Variants in SDK2 observed in about 807,000 individuals in gnomAD.
The protein encoded by SDK2 is protein sidekick-2.
SDK2 carries 105 observed loss-of-function variants against 253.9 expected under a neutral mutation model. The ratio of observed to expected loss-of-function variants is 0.41; its 90% CI spans 0.35 to 0.49. The LOEUF (loss-of-function observed/expected upper bound fraction) is 0.49. Ranked by LOEUF, SDK2 falls within the 20% of genes least tolerant of loss-of-function variation. The pLI, the probability that SDK2 is intolerant of heterozygous loss-of-function variation, is 0.06. For missense variants in SDK2, 2,608 were observed against 3,003.0 expected (o/e 0.87, Z 3.07); for synonymous variants, 1,249 against 1,234.9 (o/e 1.01, Z -0.24).
At chr17:73,561,953 C>T (rs779528175) in intron 1 of SDK2, among the ~76,000 whole-genome samples, 1 of 152,132 alleles carries the variant, frequency 6.6e-6, no homozygotes, top group Non-Finnish European at 1.5e-5. Flanking sequence ...TGGTGAAACT[C>T]CGTCTCTACT....
At chr17:73,515,876 G>A (rs1009596580) in intron 1 of SDK2, among the ~76,000 whole-genome samples, 1 of 152,208 alleles carries the variant, frequency 6.6e-6, no homozygotes, top group Admixed American at 6.5e-5. Flanking sequence ...GGAAACTCCT[G>A]CCCCAGAGCC....
intron 10 of SDK2, among the ~76,000 whole-genome samples, chr17:73,432,465 C>T (rs2063333138): frequency 1.3e-5 from 2 of 152,074 alleles, no homozygotes; most frequent in South Asian, 4.1e-4. Context: ...TGTTTATTTC[C>T]ATGTGTAAGC....
chr17:73,472,058 G>T, intron 3 of SDK2, 54 bp downstream of exon 3: 1 of 1,300,782 alleles, frequency 7.7e-7, no homozygotes, highest in Non-Finnish European at 1.1e-6. Context: ...GCTGGTGGGT[G>T]CCACTCTGGC....
chr17:73,348,839 T>G, intron 43 of SDK2, 114 bp from the exon 44 acceptor site: 1 of 795,168 alleles, frequency 1.3e-6, no homozygotes, highest in Non-Finnish European at 1.9e-6. Context: ...CACCCTGTGC[T>G]CCTCCTCCTT....
intron 4 of SDK2, among the ~76,000 whole-genome samples, chr17:73,450,588 G>A (rs2063483939): frequency 6.6e-6 from 1 of 152,148 alleles, no homozygotes; most frequent in African/African-American, 2.4e-5. Flanking sequence ...ACCTGTCTTA[G>A]GACCCTTTTG....
chr17:73,416,008 G>A lies in SDK2; in HGVS notation c.2187-16C>T, dbSNP rs759115745. 32 of 1,603,026 alleles carry A rather than the reference G, an allele frequency of 2.0e-5. No homozygotes were observed. The highest frequency in any genetic ancestry group is 2.4e-5 in the Non-Finnish European group (28 of 1,175,328). On this transcript the variant is annotated splice_polypyrimidine_tract_variant and intron_variant, in intron 16 of 44. Coordinates refer to ENST00000392650, the MANE Select transcript of SDK2 (RefSeq NM_001144952.2). Reference sequence around the variant, plus strand: ...CAGGCAGTACCTGAGGGGAAGAGGCGAGGCACAGTGGAGTCAGAGTCAGCT... The same window carrying A: ...CAGGCAGTACCTGAGGGGAAGAGGCAAGGCACAGTGGAGTCAGAGTCAGCT...
chr17:73,579,990 A>AG (rs2045511885), intron 1 of SDK2, among the ~76,000 whole-genome samples: 2 of 127,680 alleles, frequency 1.6e-5, no homozygotes, highest in African/African-American at 6.3e-5. Flanking sequence ...AAAAGAAAAA[A>AG]GAAAAAAAAA....
chr17:73,461,868 G>A (rs1188941958), intron 3 of SDK2, among the ~76,000 whole-genome samples: 3 of 152,136 alleles, frequency 2.0e-5, no homozygotes, highest in Non-Finnish European at 4.4e-5. Flanking sequence ...TTTATATGGT[G>A]GGATGGATGG....
At chr17:73,571,747 C>T (rs532391512) in intron 1 of SDK2, among the ~76,000 whole-genome samples, 11 of 152,334 alleles carry the variant, frequency 7.2e-5, no homozygotes, top group East Asian at 3.9e-4. Flanking sequence ...AAGGTGAGCC[C>T]GGCTGGGGCC....
chr17:73,502,446 C>G lies in SDK2; in HGVS notation c.224+4992G>C, dbSNP rs538778747. Among the ~76,000 whole-genome samples the G allele has an allele frequency of 2.0e-5, 3 of 151,972 alleles. No homozygotes were observed. The East Asian group carries it at 5.8e-4, about 29-fold the overall frequency. ...AGGTGAACCTGGAACATTTTTTGAG[C>G]CCAAAACAAGGAAATGTTCAGAATC... On this transcript the variant is annotated intron_variant, in intron 2 of 44. Coordinates refer to ENST00000392650, the MANE Select transcript of SDK2 (RefSeq NM_001144952.2).
rs2062847623 is a variant in SDK2 at position 73,383,374 on chromosome 17, T to C, written c.4705+502A>G. 6.6e-6 allele frequency among the ~76,000 whole-genome samples: 1 copy of C among 152,202 alleles called. No homozygotes were observed. The highest frequency in any genetic ancestry group is 1.5e-5 in the Non-Finnish European group (1 of 68,040). ...TCCAGGGGACAGGCAGGGCAGTGGC[T>C]TCCCCCAGGAAAAAGAGGGGGCCAG... On this transcript the variant is annotated intron_variant, in intron 33 of 44. Coordinates refer to ENST00000392650, the MANE Select transcript of SDK2 (RefSeq NM_001144952.2). The surrounding 1 kb of genome is among the most constrained non-coding windows in gnomAD (Gnocchi z 4.3).
chr17:73,350,212 C>CCCCCCCGGG, intron 43 of SDK2, 25 bp downstream of exon 43: 3 of 1,533,830 alleles, frequency 2.0e-6, no homozygotes, highest in African/African-American at 1.4e-5. Flanking sequence ...GGCCTGGCCC[C>CCCCCCCGGG]CAACCCACGC....
chr17:73,544,932 G>A (rs1303288812), intron 1 of SDK2, among the ~76,000 whole-genome samples: 3 of 152,124 alleles, frequency 2.0e-5, no homozygotes, highest in Admixed American at 1.3e-4. Context: ...CCATTCCCTG[G>A]ACCTGTCTTC....
intron 28 of SDK2, among the ~76,000 whole-genome samples, chr17:73,391,152 C>T (rs754360951): frequency 4.6e-5 from 7 of 152,214 alleles, no homozygotes; most frequent in African/African-American, 9.6e-5. Context: ...TAAGGAACAG[C>T]GTCCGAGGTT....
rs61050632 is a variant in SDK2 at position 73,483,661 on chromosome 17, GTATATATATATA to G, written c.225-11455_225-11444del. Among the ~76,000 whole-genome samples the G allele has an allele frequency of 9.3e-3, 651 of 70,148 alleles. 68 individuals carry two copies. Among genetic ancestry groups the G allele is most frequent in the East Asian group, 0.053 (137 of 2,564 alleles). 46.0% of individuals were successfully genotyped at this position (70,148 alleles called of 152,430 possible). A position where few individuals can be genotyped will look rare whatever the true frequency, so the allele number is the denominator to read the frequency against. On this transcript the variant is annotated intron_variant, in intron 2 of 44. Coordinates refer to ENST00000392650, the MANE Select transcript of SDK2 (RefSeq NM_001144952.2). ...TATATATGTGTGTGTGTGTGTGTGT[GTATATATATATA>G]TATATATATTTATATATATATATAT...
chr17:73,611,518 C>G (rs879605684), intron 1 of SDK2, among the ~76,000 whole-genome samples: 1 of 152,262 alleles, frequency 6.6e-6, no homozygotes, highest in Non-Finnish European at 1.5e-5. Flanking sequence ...ACCCCAACAC[C>G]TTGGCTGGGT....
chr17:73,393,845 C>T (rs2062949075), intron 26 of SDK2, 96 bp from the exon 27 acceptor site: 2 of 955,340 alleles, frequency 2.1e-6, no homozygotes, highest in Non-Finnish European at 3.0e-6. Flanking sequence ...AGCTGTGTGT[C>T]ACACATCTCC....
intron 1 of SDK2, among the ~76,000 whole-genome samples, chr17:73,522,461 G>A (rs1361058894): frequency 6.6e-6 from 1 of 152,214 alleles, no homozygotes; most frequent in East Asian, 1.9e-4. Context: ...CACATTCCAG[G>A]GGACTGTATT....
rs1049906905 is a variant in SDK2, at chr17:73,400,991, A to G, written c.2971+29T>C. 7.8e-6 allele frequency: 12 copies of G among 1,543,852 alleles called. No homozygotes were observed. The Admixed American group carries it at 1.8e-4, about 23-fold the overall frequency. On this transcript the variant is annotated intron_variant, in intron 21 of 44. Coordinates refer to ENST00000392650, the MANE Select transcript of SDK2 (RefSeq NM_001144952.2). The stretch of plus-strand genomic sequence containing the variant: ...TGGGACGCTGCTCAGGAGAACTCAA[A>G]GAGTCCTGCCTTGAGAGTGGGCACT...
Sources: allele counts gnomAD v4.1 joint callset (sites outside exome capture counted in the v4.1 genomes callset), GRCh38; gene constraint gnomAD v4.1.1; non-coding constraint Gnocchi (gnomAD v3.1); transcripts MANE v1.5; gene names NCBI Gene and HGNC (gene_info 2026-07-23, HGNC 2026-07-21).